The following GLCE variants were observed in gnomAD, a reference collection of about 807,000 sequenced individuals.
GLCE encodes glucuronic acid epimerase.
Under a neutral mutation model 47.9 loss-of-function variants are expected in GLCE, and 19 were observed. That is an observed-to-expected ratio of 0.40 (90% confidence interval 0.28 to 0.58). The LOEUF is 0.58. GLCE is among the 20% of genes least tolerant of loss of function. GLCE has a pLI of 0.48. For synonymous variants in GLCE, 245 were observed against 263.4 expected (o/e 0.93, Z 0.68); for missense variants, 556 against 743.3 (o/e 0.75, Z 2.93).
intron 2 of GLCE, among the ~76,000 whole-genome samples, chr15:69,220,054 C>T (rs2052358740): frequency 6.6e-6 from 1 of 152,030 alleles, no homozygotes; most frequent in Non-Finnish European, 1.5e-5. Context: ...TCATAATTTC[C>T]TTTCTTTTTA....
At chr15:69,234,789 G>T (rs1005652804) in intron 2 of GLCE, among the ~76,000 whole-genome samples, 2 of 152,140 alleles carry the variant, frequency 1.3e-5, no homozygotes, top group African/African-American at 4.8e-5. Flanking sequence ...AGAAAATTGT[G>T]CAGCTGGGAA....
chr15:69,203,912 A>G (rs577718712), intron 1 of GLCE, among the ~76,000 whole-genome samples: 10 of 152,254 alleles, frequency 6.6e-5, no homozygotes, highest in Non-Finnish European at 1.5e-4. Context: ...TTAAATGGAA[A>G]TAGTTGGCTA....
At chr15:69,164,748 G>C (rs1376981587) in intron 1 of GLCE, among the ~76,000 whole-genome samples, 1 of 152,068 alleles carries the variant, frequency 6.6e-6, no homozygotes, top group African/African-American at 2.4e-5. Context: ...TACATGGCAA[G>C]TATTTAATTC....
At chr15:69,176,216 G>T (rs369399680) in intron 1 of GLCE, among the ~76,000 whole-genome samples, 462 of 63,186 alleles carry the variant, frequency 7.3e-3, no homozygotes, top group Middle Eastern at 0.024. Context: ...GTGGAACCTT[G>T]TTTTTTTTTT....
In GLCE at chr15:69,207,225, A is replaced by G. The variant is rs8041335; in HGVS notation, c.-104-3091A>G. Among the ~76,000 whole-genome samples the G allele has an allele frequency of 7.1e-3, 1,076 of 152,236 alleles. 19 individuals carry two copies. Among genetic ancestry groups the G allele is most frequent in the African/African-American group, 0.024 (1,018 of 41,574 alleles). ...ATTCATTTGTCATGGACTGCATTCT[A>G]TCTTAAAATTCCCCCAGCATCTTTG... is the stretch of plus-strand genomic sequence containing the variant. On this transcript the variant is annotated intron_variant, in intron 1 of 4. Transcript: ENST00000261858.
At chr15:69,213,011 A>G (rs747517745) in intron 2 of GLCE, among the ~76,000 whole-genome samples, 4 of 152,094 alleles carry the variant, frequency 2.6e-5, no homozygotes, top group Non-Finnish European at 4.4e-5. Flanking sequence ...GTAATTTGCT[A>G]TCAAGAAAGG....
chr15:69,170,175 T>C (rs1167280458), intron 1 of GLCE, among the ~76,000 whole-genome samples: 1 of 152,176 alleles, frequency 6.6e-6, no homozygotes, highest in African/African-American at 2.4e-5. Flanking sequence ...CATTTGCAAT[T>C]TGATAAGCAA....
chr15:69,185,160 T>C (rs1411862367), intron 1 of GLCE, among the ~76,000 whole-genome samples: 1 of 152,262 alleles, frequency 6.6e-6, no homozygotes, highest in Non-Finnish European at 1.5e-5. Context: ...AGTTAAAATA[T>C]GCTTCATCAT....
At chr15:69,197,039 A>G (rs2140358791) in intron 1 of GLCE, 1 of 324,670 alleles carries the variant, frequency 3.1e-6, no homozygotes, top group South Asian at 2.9e-5. Flanking sequence ...TCTGAGTTCC[A>G]GCAAAACCAT....
chr15:69,231,104 C>T lies in GLCE; in HGVS notation c.-14+20698C>T, dbSNP rs530921595. On this transcript the variant is annotated intron_variant, in intron 2 of 4. Coordinates refer to ENST00000261858, the MANE Select transcript of GLCE (RefSeq NM_015554.3). ...TGAAAAAGAAAACAAATTTTCAATTCGAATCCCCTTTGCAATTCTGATGAC... is the reference window on the plus strand; with the variant it reads ...TGAAAAAGAAAACAAATTTTCAATTTGAATCCCCTTTGCAATTCTGATGAC... Among the ~76,000 whole-genome samples the T allele has an allele frequency of 2.0e-3, 312 of 152,272 alleles. 2 individuals are homozygous for T. Among genetic ancestry groups the T allele is most frequent in the African/African-American group, 6.5e-3 (271 of 41,536 alleles).
intron 1 of GLCE, among the ~76,000 whole-genome samples, chr15:69,176,111 G>T (rs1191844696): frequency 1.3e-5 from 2 of 150,328 alleles, no homozygotes; most frequent in Non-Finnish European, 2.9e-5. Flanking sequence ...TGATAATTCA[G>T]AGCCACTTTT....
At chr15:69,212,893 C>T (rs1481979191) in intron 2 of GLCE, among the ~76,000 whole-genome samples, 1 of 151,990 alleles carries the variant, frequency 6.6e-6, no homozygotes, top group Non-Finnish European at 1.5e-5. Context: ...CTTTAGTTGA[C>T]CACTATGGGG....
chr15:69,183,133 C>G (rs911208402), intron 1 of GLCE, among the ~76,000 whole-genome samples: 1 of 152,156 alleles, frequency 6.6e-6, no homozygotes, highest in African/African-American at 2.4e-5. Flanking sequence ...CCTAGATCTA[C>G]TGAAGGGCAG....
intron 2 of GLCE, among the ~76,000 whole-genome samples, chr15:69,252,302 A>G (rs1019394899): frequency 1.3e-5 from 2 of 152,244 alleles, no homozygotes; most frequent in African/African-American, 2.4e-5. Context: ...TCTGCAGGCT[A>G]TACAAACATG....
At chr15:69,177,990 TATC>T (rs1487421113) in intron 1 of GLCE, among the ~76,000 whole-genome samples, 2 of 152,354 alleles carry the variant, frequency 1.3e-5, no homozygotes, top group Middle Eastern at 3.4e-3. Context: ...TACCAAAATT[TATC>T]ATTCATTTGC....
At chr15:69,198,914 C>T (rs1260939309) in intron 1 of GLCE, among the ~76,000 whole-genome samples, 1 of 152,062 alleles carries the variant, frequency 6.6e-6, no homozygotes, top group Non-Finnish European at 1.5e-5. Flanking sequence ...GAGGGTTACA[C>T]AACATGTGAC....
chr15:69,255,405 A>C (rs1208616138), intron 2 of GLCE, among the ~76,000 whole-genome samples: 1 of 152,212 alleles, frequency 6.6e-6, no homozygotes, highest in Non-Finnish European at 1.5e-5. Flanking sequence ...AGTGTAATGC[A>C]GATATTCCCA....
intron 2 of GLCE, among the ~76,000 whole-genome samples, chr15:69,221,357 T>G (rs1276009003): frequency 6.6e-6 from 1 of 152,234 alleles, no homozygotes; most frequent in Non-Finnish European, 1.5e-5. Context: ...TTTAACAATA[T>G]TATGTCTTCC....
At chr15:69,216,219 T>G (rs2052305487) in intron 2 of GLCE, among the ~76,000 whole-genome samples, 1 of 152,142 alleles carries the variant, frequency 6.6e-6, no homozygotes, top group African/African-American at 2.4e-5. Flanking sequence ...TGCTGAAGAT[T>G]GGCATTGGAT....
Sources: allele counts gnomAD v4.1 joint callset (sites outside exome capture counted in the v4.1 genomes callset), GRCh38; gene constraint gnomAD v4.1.1; transcripts MANE v1.5; gene names NCBI Gene and HGNC (gene_info 2026-07-23, HGNC 2026-07-21).